The following DPP4 variants were observed in gnomAD, a reference collection of about 807,000 sequenced individuals.
The protein encoded by DPP4 is ADCP-2.
In DPP4, 93 loss-of-function variants were observed where a neutral mutation model predicts 122.4. The ratio of observed to expected loss-of-function variants is 0.76; its 90% CI spans 0.64 to 0.90. The LOEUF (loss-of-function observed/expected upper bound fraction) is 0.90, where lower values mean the gene tolerates loss of function less well. Ranked by LOEUF, DPP4 falls within the 40% of genes least tolerant of loss-of-function variation. DPP4 has a pLI of 0.00. For missense variants in DPP4, 914 were observed against 907.3 expected (o/e 1.01, Z -0.09); for synonymous variants, 321 against 302.9 (o/e 1.06, Z -0.62).
intron 2 of DPP4, among the ~76,000 whole-genome samples, chr2:162,052,384 G>A (rs1271023928): frequency 6.7e-6 from 1 of 149,656 alleles, no homozygotes; most frequent in Non-Finnish European, 1.5e-5. Context: ...TGCTGCCTTT[G>A]TGACCCTCTA....
At position 162,005,798 on chromosome 2, in the gene DPP4, T is replaced by C; in HGVS notation, c.1999A>G (p.Thr667Ala). 3 of 1,612,782 alleles carry C rather than the reference T, an allele frequency of 1.9e-6. No homozygotes were observed. Among genetic ancestry groups the C allele is most frequent in the African/African-American group, 1.3e-5 (1 of 74,972 alleles). Residue 667 changes from threonine to alanine, a missense_variant, in exon 23 of 26, where the codon ACA becomes GCA. Coordinates refer to ENST00000360534, the MANE Select transcript of DPP4 (RefSeq NM_001935.4). ...SRWEYYDSVY[T>A]ERYMGLPTPE... is the part of the protein sequence containing the mutation. ...GTTGGGAGACCCATGTAACGTTCTG[T>C]GTACACTGAGTCTGTGAAAGAAAAA...
Position 161,993,251 on chromosome 2 carries a change from A to G in DPP4, c.*32T>C, listed in dbSNP as rs1426065692. On this transcript the variant is annotated 3_prime_UTR_variant, in exon 26 of 26. Coordinates refer to ENST00000360534, the MANE Select transcript of DPP4 (RefSeq NM_001935.4). ...ATAATGAAAACAAAAATGAGTTTTAATAAGCTTTAAATGGCATGGTATTTT... is the reference window on the plus strand; with the variant it reads ...ATAATGAAAACAAAAATGAGTTTTAGTAAGCTTTAAATGGCATGGTATTTT... The G allele has an allele frequency of 2.6e-6, 4 of 1,536,300 alleles. No individual in the cohort carries two copies. The highest frequency in any genetic ancestry group is 1.1e-5 in the South Asian group (1 of 89,216).
At chr2:162,013,264 C>G (rs114618841) in intron 19 of DPP4, among the ~76,000 whole-genome samples, 1 of 151,892 alleles carries the variant, frequency 6.6e-6, no homozygotes. Context: ...ACTAGGAAGT[C>G]AAAGAAGATA....
At chr2:162,002,806 G>T (rs1701184597) in intron 23 of DPP4, among the ~76,000 whole-genome samples, 1 of 152,170 alleles carries the variant, frequency 6.6e-6, no homozygotes, top group African/African-American at 2.4e-5. Flanking sequence ...TCCTGCCAGA[G>T]ACAAAAGCAC....
chr2:162,066,769 A>G (rs1684959895), intron 2 of DPP4, among the ~76,000 whole-genome samples: 1 of 152,212 alleles, frequency 6.6e-6, no homozygotes, highest in Non-Finnish European at 1.5e-5. Context: ...CTTATAGCAG[A>G]AGGTGAAGGG....
intron 11 of DPP4, 53 bp from the exon 12 acceptor site, chr2:162,022,852 C>A (rs1197629108): frequency 1.8e-5 from 29 of 1,570,192 alleles, no homozygotes; most frequent in East Asian, 1.6e-4. Flanking sequence ...CAGATGAAAT[C>A]TATAGCCATA....
At position 162,042,079 on chromosome 2, in the gene DPP4, G is replaced by T. The variant is rs888879232; in HGVS notation, c.367-2895C>A. 3.3e-5 allele frequency among the ~76,000 whole-genome samples: 5 copies of T among 152,324 alleles called. No homozygotes were observed. The East Asian group carries it at 9.6e-4, about 29-fold the overall frequency. ...GAGTAAAAGAGCATCATAGCAAAGA[G>T]AAGCCGAATGCAAAGATAGGAAAGA... On this transcript the variant is annotated intron_variant, in intron 5 of 25. Coordinates refer to ENST00000360534, the MANE Select transcript of DPP4 (RefSeq NM_001935.4).
chr2:162,006,825 A>C (rs1366141658), intron 22 of DPP4, among the ~76,000 whole-genome samples: 3 of 152,134 alleles, frequency 2.0e-5, no homozygotes, highest in Non-Finnish European at 2.9e-5. Flanking sequence ...TAAAGAGTCT[A>C]AGAATTTTAT....
At chr2:162,009,687 T>G (rs1559707371) in intron 20 of DPP4, among the ~76,000 whole-genome samples, 3 of 152,102 alleles carry the variant, frequency 2.0e-5, no homozygotes, top group Admixed American at 1.3e-4. Context: ...AGTCTGCCCC[T>G]GCAATGGAGA....
intron 12 of DPP4, 79 bp downstream of exon 12, chr2:162,022,676 G>A: frequency 7.4e-7 from 1 of 1,347,006 alleles, no homozygotes; most frequent in East Asian, 2.3e-5. Flanking sequence ...ATCACTTAGA[G>A]CCCTAGTTTT....
chr2:162,011,492 G>A (rs1346631483), intron 20 of DPP4, among the ~76,000 whole-genome samples: 2 of 152,042 alleles, frequency 1.3e-5, no homozygotes, highest in African/African-American at 2.4e-5. Flanking sequence ...GTTTGTCCCC[G>A]AGTCTGATGA....
At chr2:162,020,440 G>C in intron 13 of DPP4, 141 bp downstream of exon 13, 1 of 964,438 alleles carries the variant, frequency 1.0e-6, no homozygotes, top group South Asian at 1.7e-5. Context: ...CGTTCCACAT[G>C]ACACAATACA....
rs202173350 is a variant in DPP4 at position 162,022,806 on chromosome 2, A to G, written c.1024-7T>C. 6.2e-7 allele frequency: 1 copy of G among 1,613,858 alleles called. No homozygotes were observed. Among genetic ancestry groups the G allele is most frequent in the African/African-American group, 1.3e-5 (1 of 74,916 alleles). ...TTTCAATGTGTTGCCGTGCCTAGGA[A>G]GGGAAAGAGACAATGACAGCATTTC... is the stretch of plus-strand genomic sequence containing the variant. On this transcript the variant is annotated splice_region_variant and splice_polypyrimidine_tract_variant and intron_variant, in intron 11 of 25. Coordinates refer to ENST00000360534, the MANE Select transcript of DPP4 (RefSeq NM_001935.4).
At chr2:162,072,894 T>C (rs1685166354) in intron 2 of DPP4, among the ~76,000 whole-genome samples, 1 of 152,102 alleles carries the variant, frequency 6.6e-6, no homozygotes, top group Non-Finnish European at 1.5e-5. Context: ...AACTGAATTC[T>C]CACCACCCTT....
chr2:162,053,701 T>C (rs1393282528), intron 2 of DPP4, among the ~76,000 whole-genome samples: 1 of 152,226 alleles, frequency 6.6e-6, no homozygotes, highest in Non-Finnish European at 1.5e-5. Context: ...GCTGCCACTC[T>C]AGCATGTATA....
chr2:162,011,355 G>A (rs369572772), intron 20 of DPP4, among the ~76,000 whole-genome samples: 1 of 152,132 alleles, frequency 6.6e-6, no homozygotes, highest in South Asian at 2.1e-4. Context: ...CTACTCCTAG[G>A]ACTTCAGAGT....
intron 11 of DPP4, 48 bp downstream of exon 11, chr2:162,024,756 T>A: frequency 6.3e-7 from 1 of 1,598,998 alleles, no homozygotes; most frequent in Non-Finnish European, 8.5e-7. Flanking sequence ...GCACAGACCC[T>A]CTGATCACAT....
rs1700902425 is a variant in DPP4, at chr2:161,993,047, T to G, written c.*236A>C. ...TTTCAGCAGCTGATGCAGAAATGAT[T>G]TTAAACAATAAAACCCGACCGGATA... On this transcript the variant is annotated 3_prime_UTR_variant, in exon 26 of 26. Transcript: ENST00000360534. 2.6e-6 allele frequency: 1 copy of G among 389,088 alleles called. No individual in the cohort carries two copies. The allele number at this position is 389,088 out of a possible 1,614,324, so 24.1% of individuals were successfully genotyped here.
chr2:162,046,610 G>A, intron 4 of DPP4: 2 of 476,412 alleles, frequency 4.2e-6, no homozygotes, highest in South Asian at 3.3e-5. Context: ...GAGGAGGGCA[G>A]TAATGCTGTG....
Sources: allele counts gnomAD v4.1 joint callset (sites outside exome capture counted in the v4.1 genomes callset), GRCh38; gene constraint gnomAD v4.1.1; transcripts MANE v1.5; gene names NCBI Gene and HGNC (gene_info 2026-07-23, HGNC 2026-07-21).